ERG: variants seen among roughly 807,000 people sequenced by gnomAD.
ERG encodes the protein transcriptional regulator ERG.
Under a neutral mutation model 55.3 loss-of-function variants are expected in ERG, and 9 were observed. The observed-to-expected ratio is 0.16, with a 90% CI of 0.10 to 0.28. The LOEUF is 0.28. Among genes scored for constraint, ERG ranks in the 10% least tolerant of loss-of-function variants. The pLI, the probability that ERG is intolerant of heterozygous loss-of-function variation, is 1.00. For missense variants in ERG, 434 were observed against 631.6 expected (o/e 0.69, Z 3.35); for synonymous variants, 223 against 237.3 (o/e 0.94, Z 0.55).
intron 3 of ERG, among the ~76,000 whole-genome samples, chr21:38,410,112 A>T (rs1988976753): frequency 6.6e-6 from 1 of 152,258 alleles, no homozygotes; most frequent in African/African-American, 2.4e-5. Flanking sequence ...ACAATAACAT[A>T]CTGCAAAAAA....
At chr21:38,401,390 C>T (rs965211425) in intron 5 of ERG, among the ~76,000 whole-genome samples, 1 of 152,100 alleles carries the variant, frequency 6.6e-6, no homozygotes, top group Non-Finnish European at 1.5e-5. Flanking sequence ...TTATTTCTGG[C>T]CACAAGGTCA....
intron 1 of ERG, among the ~76,000 whole-genome samples, chr21:38,610,975 A>G (rs1601311635): frequency 6.6e-6 from 1 of 152,212 alleles, no homozygotes; most frequent in Non-Finnish European, 1.5e-5. Context: ...TGCTCTCACC[A>G]TAACTGCCTT....
chr21:38,550,645 A>G (rs1401305239), intron 2 of ERG, among the ~76,000 whole-genome samples: 1 of 152,230 alleles, frequency 6.6e-6, no homozygotes, highest in Non-Finnish European at 1.5e-5. Context: ...TAGAACTGTG[A>G]GAAATAAGTT....
chr21:38,577,962 G>A (rs1350366676), intron 1 of ERG, among the ~76,000 whole-genome samples: 1 of 152,202 alleles, frequency 6.6e-6, no homozygotes, highest in Non-Finnish European at 1.5e-5. Flanking sequence ...AAGGTTTCAG[G>A]AGTCCCAGGC....
At chr21:38,507,534 G>GAATGAA (rs2059472256) in intron 2 of ERG, among the ~76,000 whole-genome samples, 1 of 150,164 alleles carries the variant, frequency 6.7e-6, no homozygotes, top group Admixed American at 6.6e-5. Flanking sequence ...TACTGAATGA[G>GAATGAA]TGAATGAATG....
chr21:38,605,387 G>A (rs1274651244), intron 1 of ERG, among the ~76,000 whole-genome samples: 1 of 152,028 alleles, frequency 6.6e-6, no homozygotes, highest in Non-Finnish European at 1.5e-5. Context: ...TGGTAGACTC[G>A]CCTGAGACAA....
chr21:38,603,389 G>A (rs2060176470), intron 1 of ERG, among the ~76,000 whole-genome samples: 1 of 152,048 alleles, frequency 6.6e-6, no homozygotes, highest in Admixed American at 6.5e-5. Flanking sequence ...GGGAGGCCGA[G>A]GTGGGCAGAT....
intron 6 of ERG, among the ~76,000 whole-genome samples, chr21:38,396,124 A>T (rs964001564): frequency 6.6e-6 from 1 of 152,222 alleles, no homozygotes; most frequent in Admixed American, 6.5e-5. Context: ...CAAATTAGGA[A>T]GAGCAAGAGC....
intron 2 of ERG, among the ~76,000 whole-genome samples, chr21:38,429,620 T>C (rs1386412737): frequency 4.1e-5 from 6 of 147,182 alleles, no homozygotes; most frequent in Admixed American, 6.8e-5. Flanking sequence ...TGTACATATA[T>C]ACATATGTGT....
intron 2 of ERG, among the ~76,000 whole-genome samples, chr21:38,564,818 G>T (rs2059913325): frequency 6.6e-6 from 1 of 151,970 alleles, no homozygotes; most frequent in South Asian, 2.1e-4. Flanking sequence ...GGGGCCCAAA[G>T]CTCAACCCTA....
chr21:38,426,387 G>A (rs574747074), intron 2 of ERG, among the ~76,000 whole-genome samples: 1 of 152,302 alleles, frequency 6.6e-6, no homozygotes, highest in East Asian at 1.9e-4. Context: ...TTTGTCTCAA[G>A]GAGAGAAGTT....
chr21:38,541,443 A>T (rs939699895), intron 2 of ERG, among the ~76,000 whole-genome samples: 2 of 152,200 alleles, frequency 1.3e-5, no homozygotes, highest in African/African-American at 4.8e-5. Context: ...CACTTCATTT[A>T]TAACAATAGG....
chr21:38,425,069 A>C (rs1269133584), intron 2 of ERG, among the ~76,000 whole-genome samples: 6 of 152,190 alleles, frequency 3.9e-5, no homozygotes, highest in African/African-American at 1.4e-4. Context: ...ATCGCATCTG[A>C]TAGGGAAATG....
At chr21:38,571,377 G>A (rs746145461) in intron 2 of ERG, among the ~76,000 whole-genome samples, 10 of 151,992 alleles carry the variant, frequency 6.6e-5, no homozygotes, top group African/African-American at 9.7e-5. Flanking sequence ...TGGGTGTAGC[G>A]GTGCACACCT....
chr21:38,487,120 CTT>C (rs5843910), intron 1 of ERG, among the ~76,000 whole-genome samples: 22,539 of 127,456 alleles, frequency 0.18, 1,876 homozygotes, highest in Non-Finnish European at 0.19. Flanking sequence ...CCTCACTCCT[CTT>C]TTTTTTTTTT....
chr21:38,417,103 G>C (rs1432239435), intron 3 of ERG, among the ~76,000 whole-genome samples: 1 of 152,212 alleles, frequency 6.6e-6, no homozygotes, highest in Non-Finnish European at 1.5e-5. Flanking sequence ...GTGGGTCTTA[G>C]CTACTTCTGA....
intron 1 of ERG, among the ~76,000 whole-genome samples, chr21:38,458,511 T>G (rs145742563): frequency 3.5e-4 from 54 of 152,298 alleles, no homozygotes; most frequent in Admixed American, 9.2e-4. Context: ...GGCAGAATTT[T>G]TATTAATGAA....
chr21:38,443,439 T>A (rs1006601531), intron 2 of ERG, among the ~76,000 whole-genome samples: 1 of 152,196 alleles, frequency 6.6e-6, no homozygotes, highest in Non-Finnish European at 1.5e-5. Flanking sequence ...CCGGTCTTAG[T>A]GTCTCCGCCG....
intron 3 of ERG, among the ~76,000 whole-genome samples, chr21:38,405,580 G>C (rs1312072366): frequency 1.3e-5 from 2 of 152,160 alleles, no homozygotes; most frequent in African/African-American, 4.8e-5. Context: ...GAGCAGCCAA[G>C]GTTCAGATCA....
Sources: allele counts gnomAD v4.1 joint callset (sites outside exome capture counted in the v4.1 genomes callset), GRCh38; gene constraint gnomAD v4.1.1; transcripts MANE v1.5; gene names NCBI Gene and HGNC (gene_info 2026-07-23, HGNC 2026-07-21).